The following CFAP20DC variants were observed in gnomAD, a reference collection of about 807,000 sequenced individuals.
The protein encoded by CFAP20DC is protein CFAP20DC.
CFAP20DC carries 84 observed loss-of-function variants against 101.7 expected under a neutral mutation model. The observed-to-expected ratio is 0.83, with a 90% CI of 0.69 to 0.99. The LOEUF (loss-of-function observed/expected upper bound fraction) is 0.99, where lower values mean the gene tolerates loss of function less well. CFAP20DC is among the 50% of genes least tolerant of loss of function. The pLI, the probability that CFAP20DC is intolerant of heterozygous loss-of-function variation, is 0.00. For missense variants in CFAP20DC, 1,007 were observed against 970.3 expected (o/e 1.04, Z -0.50); for synonymous variants, 359 against 351.2 (o/e 1.02, Z -0.25).
intron 13 of CFAP20DC, among the ~76,000 whole-genome samples, chr3:58,846,440 A>G (rs1298451396): frequency 1.3e-5 from 2 of 152,140 alleles, no homozygotes; most frequent in Non-Finnish European, 2.9e-5. Flanking sequence ...GAAAATACCT[A>G]GGAATCCAAC....
At chr3:58,981,757 G>A (rs1042792670) in intron 4 of CFAP20DC, among the ~76,000 whole-genome samples, 2 of 152,158 alleles carry the variant, frequency 1.3e-5, no homozygotes, top group African/African-American at 4.8e-5. Flanking sequence ...AAAAACCCTA[G>A]AAGAAAACCT....
At chr3:58,840,940 C>G (rs2077059166) in intron 13 of CFAP20DC, among the ~76,000 whole-genome samples, 1 of 152,250 alleles carries the variant, frequency 6.6e-6, no homozygotes, top group African/African-American at 2.4e-5. Flanking sequence ...CCAGGCCTGT[C>G]TGATTCCAGC....
chr3:58,977,705 G>C, intron 4 of CFAP20DC, among the ~76,000 whole-genome samples: 1 of 149,370 alleles, frequency 6.7e-6, no homozygotes, highest in East Asian at 2.0e-4. Context: ...ATAACTTTTT[G>C]TCAGATATTT....
rs2093317200 is a variant in CFAP20DC, at chr3:59,001,724, C to T, written c.278+37833G>A. Among the ~76,000 whole-genome samples, 1 of 152,092 alleles carries T rather than the reference C, an allele frequency of 6.6e-6. No homozygotes were observed. The highest frequency in any genetic ancestry group is 6.5e-5 in the Admixed American group (1 of 15,276). On this transcript the variant is annotated intron_variant, in intron 4 of 16. Coordinates refer to ENST00000482387, the MANE Select transcript of CFAP20DC (RefSeq NM_001394063.1). This position sits in a 1 kb window ranked among gnomAD's most constrained non-coding sequence, Gnocchi z 4.5. ...CTGTGCCGGGATTACAGGTGTGAGC[C>T]ACTGTGCCCGGCACAGACAACCTTT...
At chr3:58,775,985 G>GC (rs2071304710) in intron 15 of CFAP20DC, among the ~76,000 whole-genome samples, 1 of 152,050 alleles carries the variant, frequency 6.6e-6, no homozygotes, top group African/African-American at 2.4e-5. Flanking sequence ...CAGGTGATCT[G>GC]CCTGCCTTGG....
intron 4 of CFAP20DC, among the ~76,000 whole-genome samples, chr3:58,991,637 CT>C (rs2092941707): frequency 6.6e-6 from 1 of 152,112 alleles, no homozygotes; most frequent in Admixed American, 6.5e-5. Context: ...ACTGTTCCAC[CT>C]GAGATCTCAG....
Position 59,006,205 on chromosome 3 carries a change from T to G in CFAP20DC, c.278+33352A>C, listed in dbSNP as rs2093430136. On this transcript the variant is annotated intron_variant, in intron 4 of 16. Transcript: ENST00000482387. This position sits in a 1 kb window ranked among gnomAD's most constrained non-coding sequence, Gnocchi z 4.3. ...TAGAATGTAGACAGTGGCAAAAGGC[T>G]GCTACTGTCATCCCAGCAACCAGAA... 6.6e-6 allele frequency among the ~76,000 whole-genome samples: 1 copy of G among 152,112 alleles called. No homozygotes were observed. Among genetic ancestry groups the G allele is most frequent in the Non-Finnish European group, 1.5e-5 (1 of 68,018 alleles).
intron 3 of CFAP20DC, among the ~76,000 whole-genome samples, chr3:58,725,252 A>G (rs1395045949): frequency 6.6e-6 from 1 of 152,158 alleles, no homozygotes; most frequent in Non-Finnish European, 1.5e-5. Context: ...AGCTTCTGTG[A>G]GCTGTCATCA....
chr3:58,856,543 C>G (rs1380746450), intron 12 of CFAP20DC, among the ~76,000 whole-genome samples: 1 of 152,168 alleles, frequency 6.6e-6, no homozygotes, highest in Non-Finnish European at 1.5e-5. Flanking sequence ...CCTTCCCCAC[C>G]AGTCTGGGCA....
chr3:59,005,481 G>A (rs1479610756), intron 4 of CFAP20DC, among the ~76,000 whole-genome samples: 1 of 152,060 alleles, frequency 6.6e-6, no homozygotes, highest in African/African-American at 2.4e-5. Context: ...TATGTTCTGT[G>A]GTAAAAACTA....
chr3:59,036,684 A>G (rs1412568591), intron 4 of CFAP20DC, among the ~76,000 whole-genome samples: 1 of 152,240 alleles, frequency 6.6e-6, no homozygotes, highest in East Asian at 1.9e-4. Context: ...GCTCATGGAT[A>G]GGAAGAATCA....
Position 58,862,316 on chromosome 3 carries a change from C to T in CFAP20DC, c.1593+1242G>A, listed in dbSNP as rs1398446986. On this transcript the variant is annotated intron_variant, in intron 12 of 16. Transcript: ENST00000482387. The stretch of plus-strand genomic sequence containing the variant: ...GAAGGATTATCAGCTGGGATGAGGA[C>T]ACTATTAGGTGCTGAAGACAAATGT... 8 of 985,198 alleles carry T rather than the reference C, an allele frequency of 8.1e-6. No individual in the cohort carries two copies. In the African/African-American group the frequency reaches 1.0e-4, roughly 13 times the overall value. The allele number at this position is 985,198 out of a possible 1,614,324, so 61.0% of individuals were successfully genotyped here.
At chr3:58,865,501 G>T (rs1389922756) in intron 11 of CFAP20DC, among the ~76,000 whole-genome samples, 1 of 152,148 alleles carries the variant, frequency 6.6e-6, no homozygotes. Flanking sequence ...GCTGAGTCTA[G>T]TTCTTCTGAC....
At chr3:58,875,772 A>G (rs1708401910) in intron 7 of CFAP20DC, among the ~76,000 whole-genome samples, 1 of 148,674 alleles carries the variant, frequency 6.7e-6, no homozygotes, top group South Asian at 2.1e-4. Flanking sequence ...TTAAAAATTA[A>G]AAAGAACTTT....
intron 5 of CFAP20DC, among the ~76,000 whole-genome samples, chr3:58,932,080 G>T (rs1453994372): frequency 6.6e-6 from 1 of 152,218 alleles, no homozygotes; most frequent in Admixed American, 6.5e-5. Flanking sequence ...GTGCTTAAAG[G>T]AGCTGATGGA....
rs576082282 is a variant in CFAP20DC at position 58,764,842 on chromosome 3, C to A, written c.2238-10979G>T. ...CTCAGGTATGTCTCCCACCCTTACCCTCCTCTTGAAACTGGAGGGAGAGGG... is the reference window on the plus strand; with the variant it reads ...CTCAGGTATGTCTCCCACCCTTACCATCCTCTTGAAACTGGAGGGAGAGGG... On this transcript the variant is annotated intron_variant, in intron 15 of 16. Coordinates refer to ENST00000482387, the MANE Select transcript of CFAP20DC (RefSeq NM_001394063.1). Among the ~76,000 whole-genome samples the A allele has an allele frequency of 6.6e-5, 10 of 152,270 alleles. No homozygotes were observed. The South Asian group carries it at 1.9e-3, about 28-fold the overall frequency.
chr3:58,819,437 C>G (rs201127241), intron 14 of CFAP20DC, among the ~76,000 whole-genome samples: 7,741 of 150,272 alleles, frequency 0.052, 415 homozygotes, highest in East Asian at 0.33. Context: ...CAAATAGACA[C>G]AATAAAAAAT....
At chr3:58,957,100 C>T (rs780099440) in intron 4 of CFAP20DC, among the ~76,000 whole-genome samples, 1 of 152,068 alleles carries the variant, frequency 6.6e-6, no homozygotes, top group Non-Finnish European at 1.5e-5. Flanking sequence ...TTGCAAACTA[C>T]CCATGTGACA....
rs1041732883 is a variant in CFAP20DC, at chr3:58,897,779, G to A, written c.551-13070C>T. On this transcript the variant is annotated intron_variant, in intron 6 of 16. Transcript: ENST00000482387. This position sits in a 1 kb window ranked among gnomAD's most constrained non-coding sequence, Gnocchi z 4.4. ...GTCTGATGGGCTTCCCTTTGTATGC[G>A]AACTGGCCTTGCCCTCTGGCTGCCC... 1.3e-5 allele frequency among the ~76,000 whole-genome samples: 2 copies of A among 152,140 alleles called. No individual in the cohort carries two copies. The highest frequency in any genetic ancestry group is 2.4e-5 in the African/African-American group (1 of 41,442).
Sources: allele counts gnomAD v4.1 joint callset (sites outside exome capture counted in the v4.1 genomes callset), GRCh38; gene constraint gnomAD v4.1.1; non-coding constraint Gnocchi (gnomAD v3.1); transcripts MANE v1.5; gene names NCBI Gene and HGNC (gene_info 2026-07-23, HGNC 2026-07-21).